Variants in IKBKB-DT observed in about 807,000 individuals in gnomAD.
IKBKB-DT encodes IKBKB divergent transcript.
chr8:42,261,635 T>C (rs546043507), intron 3 of IKBKB-DT, among the ~76,000 whole-genome samples: 1 of 152,348 alleles, frequency 6.6e-6, no homozygotes, highest in African/African-American at 2.4e-5. Context: ...CTTCTCCTGA[T>C]TTTTTATTTT....
chr8:42,259,067 C>T (rs144084645), intron 3 of IKBKB-DT, among the ~76,000 whole-genome samples: 25 of 151,742 alleles, frequency 1.6e-4, no homozygotes, highest in African/African-American at 5.8e-4. Context: ...CTCTCCTTGC[C>T]CAGGCTGGAA....
chr8:42,264,651 C>T (rs192666516), intron 2 of IKBKB-DT, among the ~76,000 whole-genome samples: 18 of 151,344 alleles, frequency 1.2e-4, no homozygotes, highest in African/African-American at 4.1e-4. Flanking sequence ...CTCCGCCTCC[C>T]TAGTTCAAGC....
At chr8:42,257,145 T>G (rs1807212964) in intron 3 of IKBKB-DT, among the ~76,000 whole-genome samples, 1 of 152,240 alleles carries the variant, frequency 6.6e-6, no homozygotes, top group Admixed American at 6.5e-5. Flanking sequence ...GTATCACTTC[T>G]TTTTTAACAA....
intron 1 of IKBKB-DT, among the ~76,000 whole-genome samples, chr8:42,267,391 G>A (rs971632886): frequency 1.9e-4 from 29 of 152,018 alleles, no homozygotes; most frequent in Non-Finnish European, 8.8e-5. Flanking sequence ...GGTCTGGATC[G>A]GGACCCCTTT....
At chr8:42,269,335 G>A (rs1422076734) in intron 1 of IKBKB-DT, among the ~76,000 whole-genome samples, 1 of 131,980 alleles carries the variant, frequency 7.6e-6, no homozygotes, top group African/African-American at 2.9e-5. Flanking sequence ...AAAAAAGAAA[G>A]AAAAGGAAAG....
intron 3 of IKBKB-DT, among the ~76,000 whole-genome samples, chr8:42,250,448 C>G (rs914671078): frequency 1.9e-4 from 29 of 152,328 alleles, no homozygotes; most frequent in Non-Finnish European, 3.2e-4. Flanking sequence ...TCATTTACAT[C>G]TACACCCTAG....
chr8:42,239,737 A>C (rs939120486), intron 3 of IKBKB-DT, among the ~76,000 whole-genome samples: 199 of 148,186 alleles, frequency 1.3e-3, no homozygotes, highest in African/African-American at 4.8e-3. Flanking sequence ...CCTCTGCCTC[A>C]CAGGTTCAAG....
intron 3 of IKBKB-DT, among the ~76,000 whole-genome samples, chr8:42,258,155 T>G (rs1807232292): frequency 6.6e-6 from 1 of 152,186 alleles, no homozygotes; most frequent in African/African-American, 2.4e-5. Flanking sequence ...AATAAAACTT[T>G]GTAATTTTAA....
intron 3 of IKBKB-DT, among the ~76,000 whole-genome samples, chr8:42,242,268 T>A (rs1940127152): frequency 6.9e-6 from 1 of 145,776 alleles, no homozygotes; most frequent in South Asian, 2.2e-4. Flanking sequence ...AATAAATAAA[T>A]ACAGTAAGCA....
At chr8:42,268,339 A>G (rs1420444162) in intron 1 of IKBKB-DT, among the ~76,000 whole-genome samples, 1 of 150,868 alleles carries the variant, frequency 6.6e-6, no homozygotes, top group Admixed American at 6.6e-5. Context: ...GTTTCACCAT[A>G]TTGGCCAGGA....
chr8:42,240,666 A>G (rs1040244326), intron 3 of IKBKB-DT, among the ~76,000 whole-genome samples: 3 of 145,162 alleles, frequency 2.1e-5, no homozygotes, highest in African/African-American at 7.7e-5. Context: ...AGTAATCTAT[A>G]TTGCCACACA....
At chr8:42,235,164 C>T (rs1296004427) in intron 3 of IKBKB-DT, among the ~76,000 whole-genome samples, 10 of 101,358 alleles carry the variant, frequency 9.9e-5, no homozygotes, top group African/African-American at 2.2e-4. Context: ...TTTTCTAACT[C>T]TTTTTACTGT....
intron 3 of IKBKB-DT, among the ~76,000 whole-genome samples, chr8:42,258,910 G>A (rs1310880815): frequency 6.6e-6 from 1 of 152,160 alleles, no homozygotes; most frequent in Non-Finnish European, 1.5e-5. Flanking sequence ...GTTTTCACTA[G>A]AAATTAAGCA....
chr8:42,235,154 TTTTC>T (rs1301977271), intron 3 of IKBKB-DT, among the ~76,000 whole-genome samples: 142 of 124,140 alleles, frequency 1.1e-3, no homozygotes, highest in African/African-American at 5.4e-3. Context: ...TTTCTTTTTT[TTTTC>T]TAACTCTTTT....
intron 3 of IKBKB-DT, among the ~76,000 whole-genome samples, chr8:42,236,570 G>C (rs1357829819): frequency 1.3e-5 from 2 of 152,186 alleles, no homozygotes; most frequent in African/African-American, 4.8e-5. Context: ...TTTGAGACCA[G>C]CCTGACCAAC....
At chr8:42,246,668 G>C (rs1807068324) in intron 3 of IKBKB-DT, among the ~76,000 whole-genome samples, 1 of 152,200 alleles carries the variant, frequency 6.6e-6, no homozygotes, top group African/African-American at 2.4e-5. Context: ...ATCTCAGAGA[G>C]AAGGGTTAGG....
At chr8:42,234,026 T>A (rs796836554) in intron 3 of IKBKB-DT, among the ~76,000 whole-genome samples, 15 of 152,298 alleles carry the variant, frequency 9.8e-5, no homozygotes, top group African/African-American at 3.6e-4. Context: ...TCTAATCTTG[T>A]GGCTAATGTC....
chr8:42,266,973 T>C (rs1807379212), intron 1 of IKBKB-DT, among the ~76,000 whole-genome samples: 1 of 151,858 alleles, frequency 6.6e-6, no homozygotes, highest in South Asian at 2.1e-4. Flanking sequence ...CTGTTATTCC[T>C]TTACCTTCTT....
intron 3 of IKBKB-DT, among the ~76,000 whole-genome samples, chr8:42,240,946 G>A (rs2129905082): frequency 6.6e-6 from 1 of 152,126 alleles, no homozygotes; most frequent in East Asian, 1.9e-4. Flanking sequence ...TTGCACTCCA[G>A]CCTGGGCAAC....
Sources: allele counts gnomAD v4.1 joint callset (sites outside exome capture counted in the v4.1 genomes callset), GRCh38; gene constraint gnomAD v4.1.1; transcripts MANE v1.5; gene names NCBI Gene and HGNC (gene_info 2026-07-23, HGNC 2026-07-21).